The following WDR20 variants were observed in gnomAD, a reference collection of about 807,000 sequenced individuals.
The protein encoded by WDR20 is WD repeat-containing protein 20.
Under a neutral mutation model 38.7 loss-of-function variants are expected in WDR20, and 3 were observed. That is an observed-to-expected ratio of 0.08 (90% CI 0.04 to 0.20). WDR20 has a LOEUF of 0.20. Ranked by LOEUF, WDR20 falls within the 10% of genes least tolerant of loss-of-function variation. WDR20 has a pLI of 1.00. For synonymous variants in WDR20, 298 were observed against 285.6 expected, an observed-to-expected ratio of 1.04 and a Z score of -0.44; for missense variants, 559 against 727.7, an observed-to-expected ratio of 0.77 and a Z score of 2.67.
rs537088909 is a variant in WDR20, at chr14:102,220,434, T to C, written c.1693-2396T>C. Among the ~76,000 whole-genome samples, 1 of 152,326 alleles carries C rather than the reference T, an allele frequency of 6.6e-6. No homozygotes were observed. The highest frequency in any genetic ancestry group is 2.1e-4 in the South Asian group (1 of 4,830). On this transcript the variant is annotated intron_variant, in intron 3 of 3. Coordinates refer to the WDR20 transcript ENST00000335263. This position sits in a 1 kb window ranked among gnomAD's most constrained non-coding sequence, Gnocchi z 4.2. Reference sequence around the variant, plus strand: ...ATATGAAACATCTTCAGTTAAAATATTAAAATTGGCCAGGTGCGGTGGCTC... The same window carrying C: ...ATATGAAACATCTTCAGTTAAAATACTAAAATTGGCCAGGTGCGGTGGCTC...
intron 1 of WDR20, among the ~76,000 whole-genome samples, chr14:102,156,925 A>C (rs1230743916): frequency 6.6e-6 from 1 of 152,104 alleles, no homozygotes; most frequent in African/African-American, 2.4e-5. Context: ...TGGGAGGCGG[A>C]GGTTGAGTGA....
At chr14:102,158,645 C>T (rs1481749464) in intron 1 of WDR20, among the ~76,000 whole-genome samples, 1 of 151,986 alleles carries the variant, frequency 6.6e-6, no homozygotes, top group African/African-American at 2.4e-5. Context: ...AACCTACTTC[C>T]CTATCCTTAT....
chr14:102,190,518 G>A (rs761593577), intron 1 of WDR20, among the ~76,000 whole-genome samples: 5 of 151,804 alleles, frequency 3.3e-5, no homozygotes, highest in Non-Finnish European at 7.4e-5. Flanking sequence ...ACTTGAACCC[G>A]GGAGGCAGAG....
At chr14:102,184,216 T>A (rs1276733677) in intron 1 of WDR20, among the ~76,000 whole-genome samples, 2 of 152,222 alleles carry the variant, frequency 1.3e-5, no homozygotes, top group Non-Finnish European at 2.9e-5. Flanking sequence ...AAATCAGTAT[T>A]TCATTAGCCT....
chr14:102,215,757 G>A (rs61992530), downstream of WDR20, among the ~76,000 whole-genome samples: 2 of 152,118 alleles, frequency 1.3e-5, no homozygotes, highest in Non-Finnish European at 2.9e-5. Context: ...CACCAGGCCC[G>A]TCGTCGGTGC....
At chr14:102,184,770 C>T (rs1053317026) in intron 1 of WDR20, among the ~76,000 whole-genome samples, 2 of 152,142 alleles carry the variant, frequency 1.3e-5, no homozygotes, top group African/African-American at 2.4e-5. Context: ...TATTTGCTGA[C>T]GTTTGACTTA....
chr14:102,213,041 G>T (rs899415260), downstream of WDR20: 3 of 990,038 alleles, frequency 3.0e-6, no homozygotes, highest in Non-Finnish European at 3.6e-6. Flanking sequence ...GGGCGAGCTG[G>T]TCCCTGGGCG....
intron 2 of WDR20, among the ~76,000 whole-genome samples, chr14:102,204,160 C>T (rs956714646): frequency 4.6e-5 from 7 of 152,084 alleles, no homozygotes; most frequent in Admixed American, 2.0e-4. Flanking sequence ...ACAGCATGCT[C>T]GCTTTGGGGT....
At chr14:102,212,383 C>G, downstream of WDR20, 3 of 948,024 alleles carry the variant, frequency 3.2e-6, no homozygotes, top group Non-Finnish European at 4.7e-6. Flanking sequence ...GTGGAGAGCA[C>G]TGTGCCAGCC....
Position 102,171,353 on chromosome 14 carries a change from T to C in WDR20, c.250-23585T>C, listed in dbSNP as rs2060793578. 3 of 148,312 alleles carry C rather than the reference T, an allele frequency of 2.0e-5. No homozygotes were observed. The South Asian group carries it at 6.5e-4, about 32-fold the overall frequency. 9.2% of individuals were successfully genotyped at this position (148,312 alleles called of 1,614,324 possible). On this transcript the variant is annotated intron_variant, in intron 1 of 2. Transcript: ENST00000342702. ...ATCATAGCTCATTGTGACCTCAAGC[T>C]CTTTGGCTCAAGGGATTCTCCCACC...
chr14:102,198,029 T>C (rs2059694785), intron 2 of WDR20: 1 of 449,006 alleles, frequency 2.2e-6, no homozygotes, highest in African/African-American at 1.9e-5. Context: ...TGACCACAGA[T>C]GGTGACACTT....
intron 1 of WDR20, among the ~76,000 whole-genome samples, chr14:102,143,310 A>G (rs186894654): frequency 1.1e-4 from 17 of 152,220 alleles, no homozygotes; most frequent in Admixed American, 8.5e-4. Context: ...GTAGATTAAA[A>G]CATCTTTTCA....
At chr14:102,144,445 G>A (rs2052799847) in intron 1 of WDR20, among the ~76,000 whole-genome samples, 2 of 148,190 alleles carry the variant, frequency 1.3e-5, no homozygotes, top group East Asian at 2.0e-4. Context: ...TCATACCACC[G>A]CACTCCAGCC....
chr14:102,200,925 C>T (rs763968103), intron 2 of WDR20, among the ~76,000 whole-genome samples: 3 of 152,220 alleles, frequency 2.0e-5, no homozygotes, highest in African/African-American at 7.2e-5. Flanking sequence ...CCAGCCCAGG[C>T]TGCGTGGCAC....
chr14:102,150,367 G>C (rs1488433626), intron 1 of WDR20, among the ~76,000 whole-genome samples: 1 of 152,074 alleles, frequency 6.6e-6, no homozygotes, highest in Non-Finnish European at 1.5e-5. Context: ...CCAGCTACTC[G>C]GGGCCGAGGT....
intron 1 of WDR20, among the ~76,000 whole-genome samples, chr14:102,187,503 A>C (rs2065152729): frequency 6.6e-6 from 1 of 152,042 alleles, no homozygotes; most frequent in Non-Finnish European, 1.5e-5. Context: ...CAGGAAAGGC[A>C]AGGTGTCAGA....
chr14:102,174,093 G>A (rs1000099013), intron 1 of WDR20, among the ~76,000 whole-genome samples: 1 of 151,246 alleles, frequency 6.6e-6, no homozygotes, highest in African/African-American at 2.4e-5. Flanking sequence ...CAGGTTGCTT[G>A]GAATGCCATG....
intron 1 of WDR20, among the ~76,000 whole-genome samples, chr14:102,143,227 G>C (rs923975144): frequency 6.6e-6 from 1 of 152,138 alleles, no homozygotes. Context: ...TGATCACAGG[G>C]ATATTATATA....
In WDR20 at chr14:102,208,299, C is replaced by T. The variant is rs2061925569; in HGVS notation, c.433-304C>T. 6.6e-6 allele frequency among the ~76,000 whole-genome samples: 1 copy of T among 152,226 alleles called. No individual in the cohort carries two copies. The highest frequency in any genetic ancestry group is 1.5e-5 in the Non-Finnish European group (1 of 68,040). Reference sequence around the variant, plus strand: ...AAGAAAGATCCCAGCAGGGCTGTTCCCTCCGCAGTGAACCCTGTGCCTGGC... The same window carrying T: ...AAGAAAGATCCCAGCAGGGCTGTTCTCTCCGCAGTGAACCCTGTGCCTGGC... On this transcript the variant is annotated intron_variant, in intron 2 of 2. Coordinates refer to ENST00000342702, the MANE Select transcript of WDR20 (RefSeq NM_144574.4). The surrounding 1 kb of genome is among the most constrained non-coding windows in gnomAD (Gnocchi z 5.6).
Sources: gnomAD v4.1 joint callset for allele counts (sites outside exome capture counted in the v4.1 genomes callset) on GRCh38, gnomAD v4.1.1 for gene constraint, Gnocchi (gnomAD v3.1) non-coding constraint, MANE v1.5 for transcripts, NCBI Gene and HGNC (gene_info 2026-07-23, HGNC 2026-07-21) for gene names.